The following RACGAP1 variants were observed in gnomAD, a reference collection of about 807,000 sequenced individuals.
The protein encoded by RACGAP1 is rac GTPase-activating protein 1.
RACGAP1 carries 30 observed loss-of-function variants against 78.1 expected under a neutral mutation model. The observed-to-expected ratio is 0.38, with a 90% CI of 0.29 to 0.52. The LOEUF (loss-of-function observed/expected upper bound fraction) is 0.52, where lower values mean the gene tolerates loss of function less well. Ranked by LOEUF, RACGAP1 falls within the 20% of genes least tolerant of loss-of-function variation. The pLI, the probability that RACGAP1 is intolerant of heterozygous loss-of-function variation, is 0.82. For missense variants in RACGAP1, 587 were observed against 777.1 expected (o/e 0.76, Z 2.91); for synonymous variants, 231 against 264.8 (o/e 0.87, Z 1.24).
upstream of RACGAP1, among the ~76,000 whole-genome samples, chr12:50,027,671 CA>C (rs1486071085): frequency 6.6e-6 from 1 of 152,034 alleles, no homozygotes; most frequent in Non-Finnish European, 1.5e-5. Context: ...ACTAAAAATA[CA>C]AAAATTAGCC....
At chr12:50,005,166 A>G in intron 4 of RACGAP1, 90 bp downstream of exon 4, 1 of 1,562,684 alleles carries the variant, frequency 6.4e-7, no homozygotes, top group Non-Finnish European at 8.7e-7. Flanking sequence ...CACACATTCT[A>G]GAAGAAGTAT....
At chr12:49,995,057 A>C (rs951037331) in intron 10 of RACGAP1, among the ~76,000 whole-genome samples, 1 of 152,206 alleles carries the variant, frequency 6.6e-6, no homozygotes, top group Non-Finnish European at 1.5e-5. Context: ...TGTAAAAAAA[A>C]TGTACAGGCG....
chr12:50,031,478 CAA>C (rs56229939), intron 2 of RACGAP1, among the ~76,000 whole-genome samples: 4 of 71,898 alleles, frequency 5.6e-5, no homozygotes, highest in South Asian at 1.6e-3. Flanking sequence ...GACTCCATCT[CAA>C]AAAAAAAAAA....
At chr12:50,001,081 T>A (rs1388022141) in intron 7 of RACGAP1, 91 bp downstream of exon 7, 1 of 1,057,282 alleles carries the variant, frequency 9.5e-7, no homozygotes. Context: ...CTAAACATCA[T>A]GTCTCTCAAA....
chr12:49,995,734 A>T (rs1592139013), intron 10 of RACGAP1, among the ~76,000 whole-genome samples: 1 of 151,962 alleles, frequency 6.6e-6, no homozygotes, highest in South Asian at 2.1e-4. Context: ...GGCTCAAGTG[A>T]TTTTCCTGCC....
rs1016950580 is a variant in RACGAP1 at position 50,016,997 on chromosome 12, T to C, written c.-4-278A>G. ...AGCAGAAAACAAATAGGAAAGAGCATGTCAGTTCATTAGCAAGTGACTGAC... is the reference window on the plus strand; with the variant it reads ...AGCAGAAAACAAATAGGAAAGAGCACGTCAGTTCATTAGCAAGTGACTGAC... On this transcript the variant is annotated intron_variant, in intron 1 of 16. Transcript: ENST00000312377. The C allele has an allele frequency of 6.8e-6, 8 of 1,172,356 alleles. No individual in the cohort carries two copies. In the African/African-American group the frequency reaches 9.6e-5, roughly 14 times the overall value. 72.6% of individuals were successfully genotyped at this position (1,172,356 alleles called of 1,614,324 possible). A position where few individuals can be genotyped will look rare whatever the true frequency, so the allele number is the denominator to read the frequency against.
chr12:49,994,034 T>G, intron 12 of RACGAP1, 97 bp downstream of exon 12: 1 of 1,205,932 alleles, frequency 8.3e-7, no homozygotes, highest in Non-Finnish European at 1.1e-6. Context: ...AGAGTGAGAC[T>G]CTGTCTAAAA....
intron 9 of RACGAP1, among the ~76,000 whole-genome samples, chr12:49,998,760 G>A (rs57383254): frequency 1.3e-5 from 2 of 151,474 alleles, no homozygotes; most frequent in African/African-American, 2.4e-5. Flanking sequence ...TTAGCCGGGC[G>A]TGGTGGCACA....
chr12:49,990,443 C>G (rs1484668240), intron 16 of RACGAP1, 100 bp from the exon 17 acceptor site: 4 of 1,081,518 alleles, frequency 3.7e-6, no homozygotes, highest in Non-Finnish European at 5.5e-6. Context: ...AGTAGGAAAC[C>G]CTAGACAACT....
chr12:50,017,123 AAT>A (rs1462663583), intron 1 of RACGAP1: 1 of 972,562 alleles, frequency 1.0e-6, no homozygotes, highest in Non-Finnish European at 1.2e-6. Context: ...TGTAACTTAA[AAT>A]ATCTATTTTT....
chr12:50,020,839 T>G (rs1160610754), intron 1 of RACGAP1, among the ~76,000 whole-genome samples: 1 of 152,164 alleles, frequency 6.6e-6, no homozygotes, highest in Non-Finnish European at 1.5e-5. Context: ...TTCTGAAGAG[T>G]TATTTTTTCC....
At chr12:50,013,808 T>A (rs992592042) in intron 2 of RACGAP1, among the ~76,000 whole-genome samples, 1 of 152,234 alleles carries the variant, frequency 6.6e-6, no homozygotes, top group African/African-American at 2.4e-5. Flanking sequence ...CATTTAGTCA[T>A]CCCTTTCCCT....
chr12:50,004,908 G>GT (rs1948884605), intron 4 of RACGAP1, among the ~76,000 whole-genome samples: 1 of 152,228 alleles, frequency 6.6e-6, no homozygotes, highest in Non-Finnish European at 1.5e-5. Flanking sequence ...CAGAAGAGCT[G>GT]TAAGAGCTCT....
chr12:50,011,799 C>CA (rs1486566134), intron 2 of RACGAP1, among the ~76,000 whole-genome samples: 2 of 151,436 alleles, frequency 1.3e-5, no homozygotes, highest in African/African-American at 4.9e-5. Flanking sequence ...ACTAAAAATA[C>CA]AAAAATTAGC....
At chr12:50,001,440 A>C (rs564551607) in intron 6 of RACGAP1, among the ~76,000 whole-genome samples, 188 bp from the exon 7 acceptor site, 1 of 152,322 alleles carries the variant, frequency 6.6e-6, no homozygotes, top group East Asian at 1.9e-4. Flanking sequence ...TTTCAAAAGA[A>C]TATGTTGTAC....
intron 12 of RACGAP1, among the ~76,000 whole-genome samples, chr12:49,992,883 T>C (rs912598326): frequency 6.6e-6 from 1 of 152,230 alleles, no homozygotes; most frequent in African/African-American, 2.4e-5. Context: ...GGGAAAGCAG[T>C]TGGCAACTGA....
upstream of RACGAP1, among the ~76,000 whole-genome samples, chr12:50,026,186 C>T (rs182632993): frequency 1.1e-3 from 165 of 152,012 alleles, 1 homozygote; most frequent in African/African-American, 3.9e-3. Context: ...ACGTTGCAAC[C>T]GGGTAATGAA....
chr12:50,011,814 C>T (rs1009673006), intron 2 of RACGAP1, among the ~76,000 whole-genome samples: 5 of 151,598 alleles, frequency 3.3e-5, no homozygotes, highest in African/African-American at 9.7e-5. Flanking sequence ...ATTAGCTGAG[C>T]GTGGTGGCGG....
chr12:50,002,450 G>C, intron 5 of RACGAP1, 150 bp from the exon 6 acceptor site: 1 of 569,884 alleles, frequency 1.8e-6, no homozygotes, highest in Non-Finnish European at 3.1e-6. Context: ...AAGGTCTCAA[G>C]TGTTGTAGCT....
Sources: gnomAD v4.1 joint callset for allele counts (sites outside exome capture counted in the v4.1 genomes callset) on GRCh38, gnomAD v4.1.1 for gene constraint, MANE v1.5 for transcripts, NCBI Gene and HGNC (gene_info 2026-07-23, HGNC 2026-07-21) for gene names.